Variants in ACSL6 observed in about 807,000 individuals in gnomAD.
ACSL6 encodes the protein acyl-CoA synthetase long chain family member 6.
ACSL6 carries 47 observed loss-of-function variants against 98.2 expected under a neutral mutation model. That is an observed-to-expected ratio of 0.48 (90% CI 0.38 to 0.61). The LOEUF (loss-of-function observed/expected upper bound fraction) is 0.61. Ranked by LOEUF, ACSL6 falls within the 20% of genes least tolerant of loss-of-function variation. The pLI is 0.00. For missense variants in ACSL6, 761 were observed against 913.4 expected, an observed-to-expected ratio of 0.83 and a Z score of 2.15; for synonymous variants, 362 against 336.9, an observed-to-expected ratio of 1.07 and a Z score of -0.82.
At chr5:132,005,329 G>A (rs1349900287) in intron 1 of ACSL6, among the ~76,000 whole-genome samples, 1 of 152,192 alleles carries the variant, frequency 6.6e-6, no homozygotes, top group Non-Finnish European at 1.5e-5. Context: ...AGGGCAGAGT[G>A]GCCAGAGCTT....
At chr5:131,987,424 A>G (rs988030219) in intron 7 of ACSL6, among the ~76,000 whole-genome samples, 1 of 152,058 alleles carries the variant, frequency 6.6e-6, no homozygotes, top group African/African-American at 2.4e-5. Flanking sequence ...GGAGGGGTAC[A>G]ATGCATAGGC....
intron 18 of ACSL6, chr5:131,960,993 A>T (rs957239199): frequency 5.8e-6 from 1 of 171,406 alleles, no homozygotes; most frequent in Non-Finnish European, 1.2e-5. Context: ...TGGTTTCATT[A>T]ATACGATCTT....
chr5:131,959,067 T>C (rs2149685217), intron 20 of ACSL6, among the ~76,000 whole-genome samples: 1 of 151,220 alleles, frequency 6.6e-6, no homozygotes, highest in Admixed American at 6.6e-5. Flanking sequence ...TGCTGTGTCC[T>C]CTCCCAAAGC....
At position 131,990,134 on chromosome 5, in the gene ACSL6, G is replaced by A; in HGVS notation, c.416C>T (p.Pro139Leu). ...GGACAGCCACTGGTAAGGCTGCTTA[G>A]GCTTCCTGAAACCAAGACAGGGCCC... ...GNGPCLGFRK[P>L]KQPYQWLSYQ... The change falls in exon 4 of 21, where the codon CCT (proline) becomes CTT (leucine). Residue 139 changes from proline to leucine, a missense_variant. Physicochemically the swap from Pro to Leu is moderately conservative, Grantham distance 98 (BLOSUM62 -3). Transcript: ENST00000651883. The A allele has an allele frequency of 6.2e-7, 1 of 1,614,064 alleles. No homozygotes were observed. The highest frequency in any genetic ancestry group is 8.5e-7 in the Non-Finnish European group (1 of 1,179,998).
intron 4 of ACSL6, 77 bp downstream of exon 4, chr5:131,990,023 C>T: frequency 1.4e-6 from 2 of 1,474,894 alleles, no homozygotes; most frequent in Non-Finnish European, 1.9e-6. Flanking sequence ...CCAGCAGGTG[C>T]CCACATCCCT....
At chr5:131,972,180 C>G (rs1435411732) in intron 13 of ACSL6, among the ~76,000 whole-genome samples, 1 of 151,850 alleles carries the variant, frequency 6.6e-6, no homozygotes, top group Non-Finnish European at 1.5e-5. Flanking sequence ...AATAGAGTAG[C>G]AAGAAAAAAA....
chr5:131,973,346 G>C lies in ACSL6; in HGVS notation c.1123C>G (p.Leu375Val). 1.2e-6 allele frequency: 2 copies of C among 1,614,222 alleles called. No individual in the cohort carries two copies. Among genetic ancestry groups the C allele is most frequent in the Non-Finnish European group, 1.7e-6 (2 of 1,180,038 alleles). ...AGAGCCTTCATGTCATCTGAGAGAA[G>C]GCGGATATCTCCCTGGAAGAAGCCA... ...RVGFFQGDIRLLSDDMKALCP... is the reference protein window; with the variant it reads ...RVGFFQGDIRVLSDDMKALCP... The change falls in exon 12 of 21, where the codon CTT becomes GTT. Residue 375 changes from leucine to valine, a missense_variant. Coordinates refer to ENST00000651883, the MANE Select transcript of ACSL6 (RefSeq NM_001009185.3).
chr5:131,985,366 T>G, intron 9 of ACSL6, 41 bp downstream of exon 9: 1 of 1,612,288 alleles, frequency 6.2e-7, no homozygotes. Context: ...CAGGGAAGGG[T>G]GCAGGTAGCC....
intron 20 of ACSL6, among the ~76,000 whole-genome samples, chr5:131,954,852 A>G (rs1561770486): frequency 6.6e-6 from 1 of 152,188 alleles, no homozygotes; most frequent in Non-Finnish European, 1.5e-5. Context: ...TGGGTGGAGA[A>G]GGGCATTATA....
upstream of ACSL6, chr5:132,011,880 A>G (rs1433903685): frequency 2.6e-6 from 4 of 1,542,148 alleles, no homozygotes; most frequent in East Asian, 2.5e-5. This position sits in a 1 kb window ranked among gnomAD's most constrained non-coding sequence, Gnocchi z 5.4. Context: ...AGAGCGAACC[A>G]GCCCTCTCCG....
chr5:131,956,678 C>T (rs527924054), intron 20 of ACSL6, among the ~76,000 whole-genome samples: 88 of 152,222 alleles, frequency 5.8e-4, no homozygotes, highest in Middle Eastern at 3.4e-3. Context: ...ACTTTAACTA[C>T]GGGCCACAAA....
At chr5:132,000,789 C>G (rs1218569359) in intron 1 of ACSL6, among the ~76,000 whole-genome samples, 4 of 152,194 alleles carry the variant, frequency 2.6e-5, no homozygotes, top group Non-Finnish European at 5.9e-5. Context: ...CAAATTTAAC[C>G]CTGCTCCCTT....
intron 10 of ACSL6, chr5:131,976,384 A>G (rs1329391624): frequency 5.8e-6 from 2 of 347,110 alleles, no homozygotes; most frequent in South Asian, 2.3e-4. Flanking sequence ...ATAGGTTTGC[A>G]TGCTTTTCTT....
At position 131,986,766 on chromosome 5, in the gene ACSL6, G is replaced by A. The variant is rs535770894; in HGVS notation, c.864+56C>T. Reference sequence around the variant, plus strand: ...CTGTGCACAGTGAGGGACTCTGTGAGGACAGGCCCTGCACGCCATCTCGCT... The same window carrying A: ...CTGTGCACAGTGAGGGACTCTGTGAAGACAGGCCCTGCACGCCATCTCGCT... On this transcript the variant is annotated intron_variant, in intron 8 of 20. Transcript: ENST00000651883. The A allele has an allele frequency of 1.1e-4, 173 of 1,603,256 alleles. 1 individual carries two copies. Among genetic ancestry groups the A allele is most frequent in the South Asian group, 4.3e-4 (39 of 90,838 alleles).
chr5:131,950,162 A>G lies in ACSL6; in HGVS notation c.*4072T>C. 5.2e-6 allele frequency: 1 copy of G among 193,866 alleles called. No individual in the cohort carries two copies. Among genetic ancestry groups the G allele is most frequent in the Admixed American group, 6.1e-5 (1 of 16,428 alleles). The allele number at this position is 193,866 out of a possible 1,614,324, so 12.0% of individuals were successfully genotyped here. A position where few individuals can be genotyped will look rare whatever the true frequency, so the allele number is the denominator to read the frequency against. ...TTGAAAGTGGAATAAGCAATTCTTC[A>G]AAAAATATCCATTCTCCCCCATGCA... On this transcript the variant is annotated 3_prime_UTR_variant, in exon 21 of 21. Transcript: ENST00000651883.
At chr5:131,968,260 A>T in intron 15 of ACSL6, 1 of 482,108 alleles carries the variant, frequency 2.1e-6, no homozygotes, top group Non-Finnish European at 3.7e-6. Context: ...ATTCTTAATA[A>T]GCAGGACAGG....
chr5:131,965,115 G>C (rs1471345682), intron 17 of ACSL6, among the ~76,000 whole-genome samples: 2 of 152,216 alleles, frequency 1.3e-5, no homozygotes, highest in Admixed American at 1.3e-4. Context: ...ACAGGCCCAA[G>C]CAGGGGCAGA....
intron 7 of ACSL6, 90 bp from the exon 8 acceptor site, chr5:131,986,944 C>T (rs528094550): frequency 3.8e-5 from 50 of 1,326,116 alleles, no homozygotes; most frequent in South Asian, 2.0e-4. Context: ...CTCTCACACA[C>T]GCACATACAC....
At chr5:131,955,935 C>T (rs1255392796) in intron 20 of ACSL6, among the ~76,000 whole-genome samples, 1 of 152,182 alleles carries the variant, frequency 6.6e-6, no homozygotes, top group Non-Finnish European at 1.5e-5. Flanking sequence ...GAAGCACTAT[C>T]ACATGAAGAC....
Sources: allele counts gnomAD v4.1 joint callset (sites outside exome capture counted in the v4.1 genomes callset), GRCh38; gene constraint gnomAD v4.1.1; non-coding constraint Gnocchi (gnomAD v3.1); transcripts MANE v1.5; gene names NCBI Gene and HGNC (gene_info 2026-07-23, HGNC 2026-07-21).